GLIS3: variants seen among roughly 807,000 people sequenced by gnomAD.
GLIS3 encodes the protein zinc finger protein GLIS3.
A neutral mutation model predicts 78.6 loss-of-function variants in GLIS3; 53 were observed. That is an observed-to-expected ratio of 0.67 (90% CI 0.54 to 0.85). The LOEUF is 0.85. GLIS3 is among the 40% of genes least tolerant of loss of function. The pLI is 0.00. For missense variants in GLIS3, 1,703 were observed against 1,231.1 expected, an observed-to-expected ratio of 1.38 and a Z score of -5.74; for synonymous variants, 684 against 509.9, an observed-to-expected ratio of 1.34 and a Z score of -4.60.
intron 2 of GLIS3, among the ~76,000 whole-genome samples, chr9:4,265,345 T>C (rs1321288033): frequency 1.3e-5 from 2 of 150,562 alleles, no homozygotes; most frequent in African/African-American, 2.5e-5. Flanking sequence ...GCATAATGTA[T>C]CGCCTTATTT....
intron 2 of GLIS3, among the ~76,000 whole-genome samples, chr9:4,167,087 G>C (rs1266279807): frequency 6.6e-6 from 1 of 151,744 alleles, no homozygotes; most frequent in African/African-American, 2.4e-5. Context: ...ATTTGGATCC[G>C]AAGGGATAAA....
intron 2 of GLIS3, among the ~76,000 whole-genome samples, chr9:4,213,028 G>A (rs923089418): frequency 1.6e-4 from 25 of 152,300 alleles, no homozygotes; most frequent in African/African-American, 6.0e-4. Flanking sequence ...GGCTGGAGAA[G>A]AGGCAGAAGC....
At chr9:4,382,069 G>A in the GLIS3 span, among the ~76,000 whole-genome samples, 10 of 152,154 alleles carry the variant, frequency 6.6e-5, no homozygotes, top group Non-Finnish European at 1.0e-4. Flanking sequence ...TACTAATCTC[G>A]GAATGTCACC....
At chr9:3,863,233 A>C (rs1446759980) in intron 8 of GLIS3, among the ~76,000 whole-genome samples, 1 of 152,242 alleles carries the variant, frequency 6.6e-6, no homozygotes, top group Non-Finnish European at 1.5e-5. Context: ...GGGTGACTAT[A>C]GTATCTACTT....
chr9:4,184,389 A>G (rs1817587422), intron 2 of GLIS3, among the ~76,000 whole-genome samples: 1 of 152,222 alleles, frequency 6.6e-6, no homozygotes. Context: ...AGAATATAAC[A>G]ATATAATCTT....
chr9:4,120,337 A>G (rs2130889964), intron 3 of GLIS3, among the ~76,000 whole-genome samples: 1 of 152,356 alleles, frequency 6.6e-6, no homozygotes, highest in East Asian at 1.9e-4. Flanking sequence ...CGAGTGAAGT[A>G]ATGTTTACCA....
rs528998831 is a variant in GLIS3 at position 4,262,603 on chromosome 9, T to C, written c.388+23435A>G. The stretch of plus-strand genomic sequence containing the variant: ...TACGTCCTAACAACTTAGTAACTAT[T>C]TGAAAAGAAAAAGATATAAATTGAT... On this transcript the variant is annotated intron_variant, in intron 2 of 10. Transcript: ENST00000381971. Among the ~76,000 whole-genome samples, 219 of 152,284 alleles carry C rather than the reference T, an allele frequency of 1.4e-3. 1 individual carries two copies. The highest frequency in any genetic ancestry group is 5.1e-3 in the African/African-American group (210 of 41,552).
chr9:4,246,552 C>T (rs35291911), intron 2 of GLIS3, among the ~76,000 whole-genome samples: 24,704 of 152,140 alleles, frequency 0.16, 2,158 homozygotes, highest in African/African-American at 0.19. Flanking sequence ...AAACATAAGC[C>T]GTGAGTAATC....
At chr9:4,132,309 C>T (rs1241495111) in intron 2 of GLIS3, among the ~76,000 whole-genome samples, 2 of 152,146 alleles carry the variant, frequency 1.3e-5, no homozygotes, top group Non-Finnish European at 2.9e-5. Flanking sequence ...GGAATGCAAA[C>T]GTTTTGCATT....
At chr9:4,168,136 C>G (rs1474049627) in intron 2 of GLIS3, among the ~76,000 whole-genome samples, 1 of 152,088 alleles carries the variant, frequency 6.6e-6, no homozygotes, top group Non-Finnish European at 1.5e-5. Context: ...GCAAATCAGA[C>G]CAGTTGTTGC....
intron 4 of GLIS3, among the ~76,000 whole-genome samples, chr9:4,087,755 C>A (rs1307478369): frequency 6.6e-6 from 1 of 152,182 alleles, no homozygotes; most frequent in African/African-American, 2.4e-5. Context: ...CATATTCCTA[C>A]ATGAACTAAG....
chr9:4,036,893 G>A (rs924177906), intron 4 of GLIS3, among the ~76,000 whole-genome samples: 2 of 152,276 alleles, frequency 1.3e-5, no homozygotes, highest in Admixed American at 1.3e-4. Context: ...GAGAAATAAA[G>A]ACCAGTAGAG....
At chr9:4,259,022 G>A (rs903052846) in intron 2 of GLIS3, among the ~76,000 whole-genome samples, 1 of 152,016 alleles carries the variant, frequency 6.6e-6, no homozygotes, top group Admixed American at 6.6e-5. Flanking sequence ...GACCCTTGTG[G>A]GTTTGCCATC....
intron 4 of GLIS3, among the ~76,000 whole-genome samples, chr9:3,975,424 A>T (rs1818699273): frequency 1.3e-5 from 2 of 152,234 alleles, no homozygotes. Context: ...AACCCTGTTT[A>T]GTAAGAGCCA....
intron 4 of GLIS3, among the ~76,000 whole-genome samples, chr9:4,009,463 C>T (rs1308280754): frequency 6.6e-6 from 1 of 152,214 alleles, no homozygotes; most frequent in Admixed American, 6.5e-5. Flanking sequence ...TGGCCCCGGC[C>T]CTGAGACCTG....
At chr9:4,230,550 G>A (rs1005777593) in intron 2 of GLIS3, among the ~76,000 whole-genome samples, 5 of 152,148 alleles carry the variant, frequency 3.3e-5, no homozygotes, top group Non-Finnish European at 7.4e-5. Flanking sequence ...ACCTAGAAAA[G>A]AAGGAAAGAA....
At chr9:4,283,007 C>G (rs1012572338) in intron 2 of GLIS3, among the ~76,000 whole-genome samples, 3 of 151,934 alleles carry the variant, frequency 2.0e-5, no homozygotes, top group African/African-American at 7.3e-5. Flanking sequence ...GGATTTCTTC[C>G]CTCCAAGTTT....
At chr9:4,325,614 C>A (rs1290517052) in intron 2 of GLIS3, among the ~76,000 whole-genome samples, 1 of 152,174 alleles carries the variant, frequency 6.6e-6, no homozygotes, top group African/African-American at 2.4e-5. Flanking sequence ...TTTCTTTTAA[C>A]CTTCATTAGC....
At chr9:4,322,094 G>T (rs1236861631) in intron 2 of GLIS3, among the ~76,000 whole-genome samples, 1 of 152,044 alleles carries the variant, frequency 6.6e-6, no homozygotes, top group Admixed American at 6.5e-5. Flanking sequence ...TGTTCTCATT[G>T]TTCAGTTCCC....
Sources: allele counts gnomAD v4.1 joint callset (sites outside exome capture counted in the v4.1 genomes callset), GRCh38; gene constraint gnomAD v4.1.1; transcripts MANE v1.5; gene names NCBI Gene and HGNC (gene_info 2026-07-23, HGNC 2026-07-21).